Variants in RBM33 observed in about 807,000 individuals in gnomAD.
RBM33 encodes the protein RNA-binding protein 33.
In RBM33, 28 loss-of-function variants were observed where a neutral mutation model predicts 132.6. The observed-to-expected ratio is 0.21, with a 90% CI of 0.16 to 0.29. The LOEUF (loss-of-function observed/expected upper bound fraction) is 0.29. Among genes scored for constraint, RBM33 ranks in the 10% least tolerant of loss-of-function variants. The probability of loss-of-function intolerance (pLI) is 1.00; values close to 1 mark genes in which losing one functional copy is unlikely to be tolerated. For missense variants in RBM33, 1,291 were observed against 1,518.5 expected (o/e 0.85, Z 2.49); for synonymous variants, 634 against 593.0 (o/e 1.07, Z -1.01).
chr7:155,672,515 G>T (rs1798970016), intron 2 of RBM33, among the ~76,000 whole-genome samples: 1 of 152,118 alleles, frequency 6.6e-6, no homozygotes, highest in Non-Finnish European at 1.5e-5. Context: ...CCAACACTTT[G>T]GGAGGCCAAG....
intron 14 of RBM33, among the ~76,000 whole-genome samples, chr7:155,751,418 A>G (rs1482173589): frequency 2.6e-5 from 4 of 152,216 alleles, no homozygotes; most frequent in Non-Finnish European, 5.9e-5. Flanking sequence ...TCTTATCCAT[A>G]GTACATATTC....
At position 155,763,792 on chromosome 7, in the gene RBM33, T is replaced by A; in HGVS notation, c.2980-20T>A. On this transcript the variant is annotated intron_variant, in intron 14 of 17. Coordinates refer to ENST00000401878, the MANE Select transcript of RBM33 (RefSeq NM_053043.3). ...GTGGAGCAGACACTGAACAACGTGC[T>A]GCCTTCTTGGTTTCAGCAGGGAGGA... 1.3e-6 allele frequency: 2 copies of A among 1,598,026 alleles called. No individual in the cohort carries two copies. Among genetic ancestry groups the A allele is most frequent in the Non-Finnish European group, 1.7e-6 (2 of 1,172,102 alleles).
chr7:155,664,524 G>A (rs1213499472), intron 1 of RBM33, among the ~76,000 whole-genome samples: 2 of 151,568 alleles, frequency 1.3e-5, no homozygotes, highest in Non-Finnish European at 2.9e-5. Context: ...CATCCGCTTC[G>A]GCCTCCCAAA....
At chr7:155,718,883 G>T (rs2116991366) in intron 9 of RBM33, among the ~76,000 whole-genome samples, 1 of 152,170 alleles carries the variant, frequency 6.6e-6, no homozygotes, top group Non-Finnish European at 1.5e-5. Flanking sequence ...GGGTCTTAAT[G>T]AGCCACTCAT....
At chr7:155,735,691 GTCTCTCTCTCTCTCTCTC>G (rs10556581) in intron 9 of RBM33, among the ~76,000 whole-genome samples, 1 of 146,534 alleles carries the variant, frequency 6.8e-6, no homozygotes, top group Non-Finnish European at 1.5e-5. Flanking sequence ...GCAAGACCCT[GTCTCTCTCTCTCTCTCTC>G]TCTCTCTCTG....
chr7:155,750,663 A>G (rs1164781528), intron 14 of RBM33, among the ~76,000 whole-genome samples: 3 of 152,304 alleles, frequency 2.0e-5, no homozygotes, highest in South Asian at 4.1e-4. Flanking sequence ...TTAGTGGTAC[A>G]GTGCTTGAGT....
rs1316028315 is a variant in RBM33, at chr7:155,700,964, C to G, written c.739+20C>G. ...CTTTGGGTAACTTTTTTGCCTGTCT[C>G]CCATCCTCCTTTACTCTCATTTCAA... On this transcript the variant is annotated intron_variant, in intron 6 of 17. Transcript: ENST00000401878. The G allele has an allele frequency of 2.5e-6, 4 of 1,585,214 alleles. No individual in the cohort carries two copies. The highest frequency in any genetic ancestry group is 2.2e-5 in the East Asian group (1 of 44,628).
chr7:155,758,002 A>C (rs146211651), intron 14 of RBM33, among the ~76,000 whole-genome samples: 1 of 152,150 alleles, frequency 6.6e-6, no homozygotes, highest in Non-Finnish European at 1.5e-5. Context: ...CCATGATCCA[A>C]ACACCTCCCA....
At chr7:155,715,024 C>G (rs892632827) in intron 8 of RBM33, among the ~76,000 whole-genome samples, 1 of 152,100 alleles carries the variant, frequency 6.6e-6, no homozygotes, top group Non-Finnish European at 1.5e-5. Context: ...AACTCCTAAC[C>G]CCTCCTGACC....
At chr7:155,735,533 T>TATACAACATA (rs1413940483) in intron 9 of RBM33, among the ~76,000 whole-genome samples, 267 of 152,234 alleles carry the variant, frequency 1.8e-3, no homozygotes, top group African/African-American at 5.0e-3. Flanking sequence ...AGCAAGACCC[T>TATACAACATA]GCCTCTACAA....
intron 2 of RBM33, among the ~76,000 whole-genome samples, chr7:155,667,591 G>C (rs993500395): frequency 3.9e-5 from 6 of 151,992 alleles, no homozygotes; most frequent in African/African-American, 1.5e-4. Context: ...TTATGACGTT[G>C]ACAGGCCATT....
chr7:155,732,533 C>G (rs1015351489), intron 9 of RBM33, among the ~76,000 whole-genome samples: 1 of 152,196 alleles, frequency 6.6e-6, no homozygotes, highest in Admixed American at 6.5e-5. Flanking sequence ...TCAGCCCATC[C>G]GTAGCCGACT....
intron 9 of RBM33, among the ~76,000 whole-genome samples, chr7:155,724,490 T>C (rs1215153875): frequency 6.6e-6 from 1 of 152,222 alleles, no homozygotes; most frequent in African/African-American, 2.4e-5. Flanking sequence ...ATCGTGCCAC[T>C]GCTCTCCAGC....
intron 4 of RBM33, among the ~76,000 whole-genome samples, chr7:155,679,891 A>C (rs577890269): frequency 6.6e-6 from 1 of 152,320 alleles, no homozygotes; most frequent in East Asian, 1.9e-4. Flanking sequence ...GTTATCTTGC[A>C]CCTTATTGTT....
At chr7:155,716,494 G>A (rs774280627) in intron 8 of RBM33, among the ~76,000 whole-genome samples, 5 of 151,808 alleles carry the variant, frequency 3.3e-5, no homozygotes, top group Admixed American at 6.6e-5. Flanking sequence ...TCCTTTTATC[G>A]TGTTGGAATG....
At chr7:155,710,085 CTTA>C (rs1800237453) in intron 7 of RBM33, among the ~76,000 whole-genome samples, 1 of 152,242 alleles carries the variant, frequency 6.6e-6, no homozygotes, top group South Asian at 2.1e-4. Flanking sequence ...TTCGTGATCC[CTTA>C]TTATACGTGT....
intron 5 of RBM33, among the ~76,000 whole-genome samples, chr7:155,692,099 T>G (rs1799661326): frequency 6.6e-6 from 1 of 151,594 alleles, no homozygotes; most frequent in African/African-American, 2.4e-5. Context: ...TCAGTGTCTC[T>G]TGTGTGGGGG....
At chr7:155,697,117 C>CT (rs1799813979) in intron 5 of RBM33, among the ~76,000 whole-genome samples, 1 of 152,154 alleles carries the variant, frequency 6.6e-6, no homozygotes, top group Admixed American at 6.5e-5. Flanking sequence ...AAACAAGTCA[C>CT]TAAGTGTAGG....
intron 15 of RBM33, among the ~76,000 whole-genome samples, chr7:155,765,195 AG>A (rs1266686190): frequency 6.6e-6 from 1 of 152,228 alleles, no homozygotes; most frequent in Non-Finnish European, 1.5e-5. Context: ...GCATCTTATA[AG>A]AAGATGCATT....
Sources: gnomAD v4.1 joint callset for allele counts (sites outside exome capture counted in the v4.1 genomes callset) on GRCh38, gnomAD v4.1.1 for gene constraint, MANE v1.5 for transcripts, NCBI Gene and HGNC (gene_info 2026-07-23, HGNC 2026-07-21) for gene names.